Variants in GMDS observed in about 807,000 individuals in gnomAD.
The protein encoded by GMDS is GDP-mannose 4,6-dehydratase.
GMDS carries 20 observed loss-of-function variants against 49.9 expected under a neutral mutation model. That is an observed-to-expected ratio of 0.40 (90% CI 0.28 to 0.58). The LOEUF is 0.58. Among genes scored for constraint, GMDS ranks in the 20% least tolerant of loss-of-function variants. GMDS has a pLI of 0.42. For synonymous variants in GMDS, 177 were observed against 178.6 expected (o/e 0.99, Z 0.07); for missense variants, 362 against 481.4 (o/e 0.75, Z 2.32).
intron 7 of GMDS, among the ~76,000 whole-genome samples, chr6:1,821,609 T>A (rs1770898658): frequency 9.9e-6 from 1 of 100,686 alleles, no homozygotes; most frequent in African/African-American, 3.8e-5. Flanking sequence ...AACAATTTAT[T>A]TGTTTTTTTT....
intron 1 of GMDS, among the ~76,000 whole-genome samples, chr6:2,176,973 G>T (rs1251240206): frequency 6.6e-6 from 1 of 152,138 alleles, no homozygotes; most frequent in Admixed American, 6.5e-5. Context: ...TTTAGGAAAG[G>T]GATGGTCTCA....
intron 1 of GMDS, among the ~76,000 whole-genome samples, chr6:2,179,864 C>G (rs1778442056): frequency 6.6e-6 from 1 of 151,264 alleles, no homozygotes; most frequent in African/African-American, 2.4e-5. Flanking sequence ...TCCATAAGAT[C>G]ATACAAATAT....
intron 4 of GMDS, among the ~76,000 whole-genome samples, chr6:1,992,532 C>T (rs187703395): frequency 3.3e-5 from 5 of 152,310 alleles, no homozygotes; most frequent in East Asian, 3.9e-4. Flanking sequence ...TTCCTACTGC[C>T]TAAAATGTTT....
intron 7 of GMDS, among the ~76,000 whole-genome samples, chr6:1,781,494 C>T (rs1042375927): frequency 1.3e-5 from 2 of 152,340 alleles, no homozygotes; most frequent in Admixed American, 1.3e-4. Flanking sequence ...CCTCAGGCCA[C>T]TGCTCCCACT....
intron 6 of GMDS, among the ~76,000 whole-genome samples, chr6:1,941,704 G>A (rs913075875): frequency 1.3e-5 from 2 of 152,140 alleles, no homozygotes; most frequent in Non-Finnish European, 2.9e-5. Context: ...CATGCTGAGG[G>A]AAAGATCCTA....
chr6:1,915,331 G>A (rs1761321802), intron 7 of GMDS, among the ~76,000 whole-genome samples: 1 of 152,194 alleles, frequency 6.6e-6, no homozygotes, highest in Non-Finnish European at 1.5e-5. Flanking sequence ...GGCGGGAAAT[G>A]GCCAATTCTT....
intron 9 of GMDS, among the ~76,000 whole-genome samples, chr6:1,626,987 A>G (rs909458309): frequency 3.3e-5 from 5 of 152,260 alleles, no homozygotes; most frequent in Non-Finnish European, 7.3e-5. Flanking sequence ...ACTGCAGTCT[A>G]GCTGCTTCCT....
Position 2,075,230 on chromosome 6 carries a change from T to C in GMDS, c.345+40541A>G, listed in dbSNP as rs535508217. 7.2e-5 allele frequency among the ~76,000 whole-genome samples: 11 copies of C among 152,274 alleles called. No homozygotes were observed. The South Asian group carries it at 2.1e-3, about 29-fold the overall frequency. Reference sequence around the variant, plus strand: ...ATATAGTAGATGCCTTTGAGCAGTATTGTCATGTTAATGCTATAAATTTTT... The same window carrying C: ...ATATAGTAGATGCCTTTGAGCAGTACTGTCATGTTAATGCTATAAATTTTT... On this transcript the variant is annotated intron_variant, in intron 4 of 10. Coordinates refer to ENST00000380815, the MANE Select transcript of GMDS (RefSeq NM_001500.4).
chr6:1,806,439 A>C (rs558548724), intron 7 of GMDS, among the ~76,000 whole-genome samples: 1 of 146,112 alleles, frequency 6.8e-6, no homozygotes, highest in Non-Finnish European at 1.5e-5. Context: ...AGCACATGGG[A>C]ACACACACAC....
intron 4 of GMDS, among the ~76,000 whole-genome samples, chr6:2,048,586 C>T (rs932892265): frequency 6.6e-6 from 1 of 152,156 alleles, no homozygotes; most frequent in Non-Finnish European, 1.5e-5. Flanking sequence ...TATGCATCTG[C>T]TGAACTGCTT....
In GMDS at chr6:2,115,924, T is replaced by C. The variant is rs148961743; in HGVS notation, c.236-44A>G. 1.4e-4 allele frequency: 153 copies of C among 1,089,590 alleles called. 1 individual carries two copies. In the East Asian group the frequency reaches 3.6e-3, roughly 25 times the overall value. The allele number at this position is 1,089,590 out of a possible 1,614,324, so 67.5% of individuals were successfully genotyped here. On this transcript the variant is annotated intron_variant, in intron 3 of 10. Coordinates refer to ENST00000380815, the MANE Select transcript of GMDS (RefSeq NM_001500.4). The stretch of plus-strand genomic sequence containing the variant: ...TCCCATTAGATAGAGAAAAGCAACA[T>C]AAGCTCAATTTTTAAAAACATCAAA...
intron 1 of GMDS, among the ~76,000 whole-genome samples, chr6:2,231,028 G>A (rs575168693): frequency 7.1e-6 from 1 of 141,684 alleles, no homozygotes; most frequent in East Asian, 2.2e-4. Context: ...TATAAGGACA[G>A]GGGGACAAGA....
intron 4 of GMDS, among the ~76,000 whole-genome samples, chr6:2,061,077 G>A (rs1038859882): frequency 1.3e-5 from 2 of 152,046 alleles, no homozygotes; most frequent in African/African-American, 4.8e-5. Context: ...TTGTGAAGGC[G>A]TCTGGGAGCA....
intron 1 of GMDS, among the ~76,000 whole-genome samples, chr6:2,175,064 T>G (rs971050021): frequency 6.6e-6 from 1 of 151,532 alleles, no homozygotes; most frequent in Non-Finnish European, 1.5e-5. Context: ...GGAAGGGGGG[T>G]GAGGGTAGCT....
At chr6:1,830,629 CAAT>C (rs1461945609) in intron 7 of GMDS, among the ~76,000 whole-genome samples, 1 of 152,080 alleles carries the variant, frequency 6.6e-6, no homozygotes, top group Non-Finnish European at 1.5e-5. Context: ...TTTAAGCCAA[CAAT>C]AACTACAGCA....
At chr6:2,007,600 A>T (rs944159690) in intron 4 of GMDS, among the ~76,000 whole-genome samples, 9 of 150,476 alleles carry the variant, frequency 6.0e-5, no homozygotes, top group African/African-American at 2.2e-4. Flanking sequence ...TTTCTTTCCA[A>T]CTTTTATTTT....
intron 4 of GMDS, among the ~76,000 whole-genome samples, chr6:1,983,464 T>A (rs971110165): frequency 2.0e-5 from 3 of 151,682 alleles, no homozygotes; most frequent in African/African-American, 7.3e-5. Flanking sequence ...GGAAAAAAAT[T>A]TTTCCAATCT....
At chr6:1,699,444 C>T (rs367817404) in intron 9 of GMDS, among the ~76,000 whole-genome samples, 36 of 152,100 alleles carry the variant, frequency 2.4e-4, no homozygotes, top group Non-Finnish European at 4.0e-4. Context: ...AACACATTAA[C>T]GCAGGTGTAG....
intron 1 of GMDS, among the ~76,000 whole-genome samples, chr6:2,179,698 T>C (rs1778434568): frequency 6.6e-6 from 1 of 152,176 alleles, no homozygotes; most frequent in African/African-American, 2.4e-5. Flanking sequence ...TTTGTTACAG[T>C]AGCACAAACA....
Sources: allele counts gnomAD v4.1 joint callset (sites outside exome capture counted in the v4.1 genomes callset), GRCh38; gene constraint gnomAD v4.1.1; transcripts MANE v1.5; gene names NCBI Gene and HGNC (gene_info 2026-07-23, HGNC 2026-07-21).